The following AGMO variants were observed in gnomAD, a reference collection of about 807,000 sequenced individuals.
AGMO encodes alkylglycerol monooxygenase, also known as glyceryl-ether monooxygenase.
AGMO carries 75 observed loss-of-function variants against 60.2 expected under a neutral mutation model. That is an observed-to-expected ratio of 1.25 (90% confidence interval 1.03 to 1.51). The LOEUF is 1.51. Among genes scored for constraint, AGMO ranks in the 40% most tolerant of loss-of-function variants. The pLI is 0.00. For synonymous variants in AGMO, 261 were observed against 177.1 expected, an observed-to-expected ratio of 1.47 and a Z score of -3.76; for missense variants, 763 against 525.5, an observed-to-expected ratio of 1.45 and a Z score of -4.42.
chr7:15,547,624 C>T (rs906117487), intron 2 of AGMO, among the ~76,000 whole-genome samples: 1 of 152,138 alleles, frequency 6.6e-6, no homozygotes, highest in Admixed American at 6.5e-5. Flanking sequence ...TAAAAAACGG[C>T]GCACCACGAG....
chr7:15,259,219 C>T (rs571534221), intron 12 of AGMO, among the ~76,000 whole-genome samples: 2 of 151,972 alleles, frequency 1.3e-5, no homozygotes, highest in South Asian at 2.1e-4. Context: ...AACTCAATCA[C>T]AATTTCTGGA....
chr7:15,437,613 C>T (rs576241810), intron 3 of AGMO, among the ~76,000 whole-genome samples: 91 of 150,184 alleles, frequency 6.1e-4, no homozygotes, highest in African/African-American at 2.2e-3. Flanking sequence ...CCCCTCACTG[C>T]AAGCTCCGCC....
intron 12 of AGMO, among the ~76,000 whole-genome samples, chr7:15,231,373 G>A (rs1425329074): frequency 4.6e-5 from 7 of 152,170 alleles, no homozygotes; most frequent in Admixed American, 2.0e-4. Context: ...CCAGCAGTGA[G>A]TCAATGTATT....
chr7:15,431,345 T>C (rs1781234188), intron 3 of AGMO, among the ~76,000 whole-genome samples: 1 of 151,920 alleles, frequency 6.6e-6, no homozygotes, highest in East Asian at 1.9e-4. Flanking sequence ...ATAGTTTATA[T>C]GTTATAATTA....
At chr7:15,218,835 C>T (rs1034289976) in intron 12 of AGMO, among the ~76,000 whole-genome samples, 4 of 152,054 alleles carry the variant, frequency 2.6e-5, no homozygotes, top group African/African-American at 9.6e-5. Flanking sequence ...AAAAGACAGG[C>T]CTGACTCTTT....
intron 12 of AGMO, among the ~76,000 whole-genome samples, chr7:15,347,195 A>G (rs564178203): frequency 6.6e-6 from 1 of 152,146 alleles, no homozygotes; most frequent in African/African-American, 2.4e-5. Flanking sequence ...TTCCTGTTCA[A>G]TTGTATGCAC....
intron 3 of AGMO, among the ~76,000 whole-genome samples, chr7:15,444,001 C>T (rs1348797496): frequency 1.3e-5 from 2 of 152,108 alleles, no homozygotes; most frequent in Non-Finnish European, 2.9e-5. Context: ...GCTTATTATC[C>T]CTAGGTAGAC....
intron 12 of AGMO, among the ~76,000 whole-genome samples, chr7:15,359,689 C>G (rs1243577911): frequency 6.6e-6 from 1 of 152,140 alleles, no homozygotes; most frequent in Non-Finnish European, 1.5e-5. Context: ...ACTCCTACCC[C>G]TGGTTCATTT....
intron 12 of AGMO, among the ~76,000 whole-genome samples, chr7:15,212,752 A>G (rs1336934275): frequency 6.6e-6 from 1 of 151,906 alleles, no homozygotes; most frequent in East Asian, 1.9e-4. Flanking sequence ...TGGGGATACA[A>G]ACGAAGTCAA....
intron 3 of AGMO, among the ~76,000 whole-genome samples, chr7:15,524,137 A>C (rs1190609291): frequency 6.6e-6 from 1 of 152,060 alleles, no homozygotes; most frequent in Non-Finnish European, 1.5e-5. Flanking sequence ...GTTAGACAAT[A>C]GAAGTATAAA....
At chr7:15,188,611 A>C in the AGMO span, among the ~76,000 whole-genome samples, 5 of 152,278 alleles carry the variant, frequency 3.3e-5, no homozygotes, top group East Asian at 9.7e-4. Flanking sequence ...GTGAGTATAG[A>C]CAATTAAGAA....
At chr7:15,186,828 C>A in the AGMO span, among the ~76,000 whole-genome samples, 3 of 152,078 alleles carry the variant, frequency 2.0e-5, no homozygotes, top group Non-Finnish European at 4.4e-5. Flanking sequence ...GTGGTCCCGG[C>A]GCACTTTGCA....
At chr7:15,272,220 G>C (rs527977265) in intron 12 of AGMO, among the ~76,000 whole-genome samples, 3,211 of 151,150 alleles carry the variant, frequency 0.021, 118 homozygotes, top group African/African-American at 0.075. Context: ...ATGTTGGTGT[G>C]CTGCACCCAT....
intron 10 of AGMO, among the ~76,000 whole-genome samples, chr7:15,374,434 CA>C (rs1276156646): frequency 6.6e-6 from 1 of 151,820 alleles, no homozygotes; most frequent in Non-Finnish European, 1.5e-5. Flanking sequence ...TCAGTTTCTA[CA>C]AAAAATTGTA....
intron 12 of AGMO, among the ~76,000 whole-genome samples, chr7:15,334,455 G>C (rs1781589683): frequency 6.6e-6 from 1 of 151,882 alleles, no homozygotes; most frequent in Non-Finnish European, 1.5e-5. Flanking sequence ...CTAAAACGTA[G>C]GTGATTAGAA....
At chr7:15,121,063 A>T in the AGMO span, among the ~76,000 whole-genome samples, 1 of 152,046 alleles carries the variant, frequency 6.6e-6, no homozygotes, top group South Asian at 2.1e-4. Flanking sequence ...GTAAGTGAGA[A>T]CATGCAGTGT....
chr7:15,337,877 G>A (rs957198257), intron 12 of AGMO, among the ~76,000 whole-genome samples: 1 of 152,116 alleles, frequency 6.6e-6, no homozygotes, highest in Non-Finnish European at 1.5e-5. Flanking sequence ...CTAGCAAAAG[G>A]AAGCTTCTCT....
chr7:15,225,529 T>C (rs1351907480), intron 12 of AGMO, among the ~76,000 whole-genome samples: 1 of 152,002 alleles, frequency 6.6e-6, no homozygotes, highest in African/African-American at 2.4e-5. Context: ...TATAAATGTA[T>C]AAAAGTGTGT....
intron 12 of AGMO, among the ~76,000 whole-genome samples, chr7:15,361,139 T>C (rs1459638956): frequency 6.6e-6 from 1 of 152,100 alleles, no homozygotes; most frequent in Non-Finnish European, 1.5e-5. Flanking sequence ...CTCTCCACAG[T>C]GGGCTGCTCA....
Sources: allele counts gnomAD v4.1 joint callset (sites outside exome capture counted in the v4.1 genomes callset), GRCh38; gene constraint gnomAD v4.1.1; transcripts MANE v1.5; gene names NCBI Gene and HGNC (gene_info 2026-07-23, HGNC 2026-07-21).